Variants in ZNF469 observed in about 807,000 individuals in gnomAD.
ZNF469 encodes zinc finger protein 469.
ZNF469 carries 1 observed loss-of-function variant against 1.0 expected under a neutral mutation model. That is an observed-to-expected ratio of 1.00 (90% CI 0.35 to 4.73). The LOEUF (loss-of-function observed/expected upper bound fraction) is 4.73, where lower values mean the gene tolerates loss of function less well. Among genes scored for constraint, ZNF469 ranks in the 30% most tolerant of loss-of-function variants. The pLI is 0.16. For missense variants in ZNF469, 6,100 were observed against 5,356.3 expected (o/e 1.14, Z -4.33); for synonymous variants, 2,703 against 2,363.4 (o/e 1.14, Z -4.17).
chr16:88,242,452 C>A, the ZNF469 span, among the ~76,000 whole-genome samples: 1 of 152,166 alleles, frequency 6.6e-6, no homozygotes, highest in Non-Finnish European at 1.5e-5. Context: ...TCCCTCTGTG[C>A]ATCTATGTCC....
intron 1 of ZNF469, among the ~76,000 whole-genome samples, chr16:88,410,130 G>A (rs760015212): frequency 6.6e-6 from 1 of 152,206 alleles, no homozygotes; most frequent in Non-Finnish European, 1.5e-5. Context: ...AGCAGATCAG[G>A]GAAGCCCAAC....
chr16:88,401,927 G>A, intron 1 of ZNF469, among the ~76,000 whole-genome samples: 1 of 118,000 alleles, frequency 8.5e-6, no homozygotes, highest in East Asian at 2.3e-4. Context: ...TGGATGGATG[G>A]ATGGATAGAT....
chr16:88,345,252 C>T, the ZNF469 span, among the ~76,000 whole-genome samples: 1 of 152,218 alleles, frequency 6.6e-6, no homozygotes, highest in East Asian at 1.9e-4. Flanking sequence ...CATCCACGCA[C>T]ACCTCGTGTG....
intron 1 of ZNF469, among the ~76,000 whole-genome samples, chr16:88,388,356 G>T (rs941076389): frequency 2.0e-5 from 3 of 152,258 alleles, no homozygotes; most frequent in Non-Finnish European, 4.4e-5. Flanking sequence ...CCAGCCAGCG[G>T]CCAAACAGAG....
At chr16:88,137,666 T>C in the ZNF469 span, among the ~76,000 whole-genome samples, 2 of 152,224 alleles carry the variant, frequency 1.3e-5, no homozygotes, top group African/African-American at 4.8e-5. Flanking sequence ...CATGTGTGCC[T>C]GTAACTGTGT....
At chr16:88,333,114 C>A in the ZNF469 span, among the ~76,000 whole-genome samples, 1 of 152,220 alleles carries the variant, frequency 6.6e-6, no homozygotes, top group Non-Finnish European at 1.5e-5. Flanking sequence ...GTGCCCACTG[C>A]CCATGCTGTG....
chr16:88,416,284 A>C (rs1905298733), intron 1 of ZNF469, among the ~76,000 whole-genome samples: 1 of 152,138 alleles, frequency 6.6e-6, no homozygotes, highest in Non-Finnish European at 1.5e-5. Flanking sequence ...AGAGGCCGTG[A>C]CCTTCTCAGG....
chr16:88,187,531 C>T, the ZNF469 span, among the ~76,000 whole-genome samples: 1 of 152,210 alleles, frequency 6.6e-6, no homozygotes, highest in Non-Finnish European at 1.5e-5. Flanking sequence ...AACATGGCAC[C>T]AGCCGGGACC....
At chr16:88,387,637 A>G (rs1005363199) in intron 1 of ZNF469, among the ~76,000 whole-genome samples, 1 of 152,132 alleles carries the variant, frequency 6.6e-6, no homozygotes, top group Non-Finnish European at 1.5e-5. Context: ...TGTTGCTGAA[A>G]GGGAGCTGGC....
At chr16:88,155,209 C>T in the ZNF469 span, among the ~76,000 whole-genome samples, 1 of 152,244 alleles carries the variant, frequency 6.6e-6, no homozygotes, top group East Asian at 1.9e-4. Flanking sequence ...GCTGCAAGTG[C>T]CGGCCCACAG....
the ZNF469 span, chr16:88,195,219 A>G: frequency 2.6e-5 from 4 of 152,214 alleles, no homozygotes; most frequent in African/African-American, 9.7e-5. Flanking sequence ...GTGCCTTCAG[A>G]TGAGCGTGAA....
chr16:88,110,660 G>A, the ZNF469 span, among the ~76,000 whole-genome samples: 3 of 152,350 alleles, frequency 2.0e-5, no homozygotes, highest in Admixed American at 6.5e-5. Context: ...GAATCATAAC[G>A]TGGTCATTCA....
At chr16:88,183,023 C>T in the ZNF469 span, among the ~76,000 whole-genome samples, 1 of 152,172 alleles carries the variant, frequency 6.6e-6, no homozygotes, top group Admixed American at 6.5e-5. Flanking sequence ...CAATATTTAA[C>T]TCTTATAACT....
At chr16:88,324,360 TG>T in the ZNF469 span, among the ~76,000 whole-genome samples, 65,724 of 152,142 alleles carry the variant, frequency 0.43, 15,131 homozygotes, top group Middle Eastern at 0.54. Flanking sequence ...TGGAAGGATG[TG>T]GGGGGCTGTT....
At chr16:88,146,733 G>A in the ZNF469 span, among the ~76,000 whole-genome samples, 4 of 152,092 alleles carry the variant, frequency 2.6e-5, no homozygotes, top group African/African-American at 4.8e-5. Context: ...TCCAGCCCAT[G>A]AGATCCATTT....
At chr16:88,238,895 C>G in the ZNF469 span, among the ~76,000 whole-genome samples, 55,192 of 152,170 alleles carry the variant, frequency 0.36, 10,442 homozygotes, top group East Asian at 0.61. Context: ...GCCCCTCAGC[C>G]TTGTGGAGAT....
chr16:88,169,499 C>T, the ZNF469 span, among the ~76,000 whole-genome samples: 8 of 152,190 alleles, frequency 5.3e-5, no homozygotes, highest in Non-Finnish European at 7.3e-5. The surrounding 1 kb of genome is among the most constrained non-coding windows in gnomAD (Gnocchi z 6.1). Flanking sequence ...CAACCTTTCA[C>T]CTACCAGAGT....
At chr16:88,265,672 G>A in the ZNF469 span, among the ~76,000 whole-genome samples, 1 of 152,214 alleles carries the variant, frequency 6.6e-6, no homozygotes, top group Non-Finnish European at 1.5e-5. Flanking sequence ...GTGAAGTGGG[G>A]CACAGGAAAC....
chr16:88,318,169 G>C, the ZNF469 span, among the ~76,000 whole-genome samples: 2 of 152,222 alleles, frequency 1.3e-5, no homozygotes, highest in Admixed American at 6.5e-5. Flanking sequence ...TTCTCTCCCA[G>C]ATCTTCGGGC....
Sources: allele counts gnomAD v4.1 joint callset (sites outside exome capture counted in the v4.1 genomes callset), GRCh38; gene constraint gnomAD v4.1.1; non-coding constraint Gnocchi (gnomAD v3.1); transcripts MANE v1.5; gene names NCBI Gene and HGNC (gene_info 2026-07-23, HGNC 2026-07-21).